Variants in ARHGAP6 observed in about 807,000 individuals in gnomAD.
ARHGAP6 encodes rho GTPase-activating protein 6.
Under a neutral mutation model 55.7 loss-of-function variants are expected in ARHGAP6, and 16 were observed. That is an observed-to-expected ratio of 0.29 (90% CI 0.19 to 0.44). The LOEUF is 0.44. Ranked by LOEUF, ARHGAP6 falls within the 20% of genes least tolerant of loss-of-function variation. The pLI is 1.00. For synonymous variants in ARHGAP6, 382 were observed against 360.9 expected (o/e 1.06, Z -0.66); for missense variants, 698 against 808.9 (o/e 0.86, Z 1.66).
intron 1 of ARHGAP6, among the ~76,000 whole-genome samples, chrX:11,356,369 T>G (rs1322210019): frequency 9.0e-6 from 1 of 111,521 alleles, no homozygotes; most frequent in African/African-American, 3.3e-5. Flanking sequence ...CCATGGCACA[T>G]GTGTACCTAT....
intron 1 of ARHGAP6, among the ~76,000 whole-genome samples, chrX:11,498,737 A>G (rs1174027568): frequency 8.9e-6 from 1 of 111,775 alleles, no homozygotes; most frequent in Non-Finnish European, 1.9e-5. Context: ...CTGTGGGCAA[A>G]GGGAATTTAA....
intron 1 of ARHGAP6, among the ~76,000 whole-genome samples, chrX:11,315,553 C>T (rs189398073): frequency 1.8e-5 from 2 of 111,809 alleles, no homozygotes; most frequent in African/African-American, 3.2e-5. Context: ...TAATAATTGA[C>T]GGCAGGAAGA....
intron 1 of ARHGAP6, among the ~76,000 whole-genome samples, chrX:11,614,338 C>G (rs1167491160): frequency 1.8e-5 from 2 of 111,951 alleles, no homozygotes; most frequent in East Asian, 5.6e-4. Flanking sequence ...AATTAGCTCA[C>G]AGTTCCACAG....
At chrX:11,445,203 A>G (rs1317123404) in intron 1 of ARHGAP6, among the ~76,000 whole-genome samples, 3 of 112,359 alleles carry the variant, frequency 2.7e-5, no homozygotes, top group Non-Finnish European at 5.6e-5. Flanking sequence ...TGAAGCTGTT[A>G]AGAGTTAAGG....
intron 1 of ARHGAP6, among the ~76,000 whole-genome samples, chrX:11,562,035 T>C (rs942817178): frequency 8.9e-6 from 1 of 111,833 alleles, no homozygotes; most frequent in African/African-American, 3.3e-5. Flanking sequence ...TCTATCCATA[T>C]GCAACAAGAA....
At chrX:11,570,356 T>A (rs1172552828) in intron 1 of ARHGAP6, among the ~76,000 whole-genome samples, 1 of 111,948 alleles carries the variant, frequency 8.9e-6, no homozygotes, top group Non-Finnish European at 1.9e-5. Context: ...ATTTATTTTA[T>A]ATGTTATTGA....
chrX:11,263,799 G>A (rs2047590926), intron 1 of ARHGAP6, among the ~76,000 whole-genome samples: 1 of 111,963 alleles, frequency 8.9e-6, no homozygotes, highest in Admixed American at 9.5e-5. Context: ...AGCCAGCCAT[G>A]TGGCTTTTTA....
chrX:11,652,485 T>A (rs1332992754), intron 1 of ARHGAP6, among the ~76,000 whole-genome samples: 1 of 112,132 alleles, frequency 8.9e-6, no homozygotes, highest in Non-Finnish European at 1.9e-5. Context: ...GGGCAAGAGT[T>A]TAACTTTCGT....
At chrX:11,293,406 G>A (rs201841630) in intron 1 of ARHGAP6, 11 of 112,275 alleles carry the variant, frequency 9.8e-5, no homozygotes, top group East Asian at 8.4e-4. Flanking sequence ...ATAGTTGGAA[G>A]AAATCTAAAG....
chrX:11,354,494 T>C (rs1212636202), intron 1 of ARHGAP6, among the ~76,000 whole-genome samples: 1 of 107,875 alleles, frequency 9.3e-6, no homozygotes, highest in African/African-American at 3.4e-5. Context: ...CCATCCATGA[T>C]AGAATAAACT....
chrX:11,337,607 T>C (rs982928761), intron 1 of ARHGAP6, among the ~76,000 whole-genome samples: 1 of 112,593 alleles, frequency 8.9e-6, no homozygotes, highest in African/African-American at 3.2e-5. Flanking sequence ...GCAAACTTTG[T>C]GCCAGGCACT....
intron 1 of ARHGAP6, among the ~76,000 whole-genome samples, chrX:11,266,563 C>T (rs1260685441): frequency 1.8e-5 from 2 of 110,140 alleles, no homozygotes; most frequent in East Asian, 2.9e-4. Context: ...GTGAATATAC[C>T]CACATGGCCA....
intron 1 of ARHGAP6, among the ~76,000 whole-genome samples, chrX:11,354,327 C>CTCTCTCTATATATATATATA (rs1343744315): frequency 6.2e-5 from 2 of 32,348 alleles, no homozygotes; most frequent in African/African-American, 2.7e-4. Context: ...CTCTCTCTCT[C>CTCTCTCTATATATATATATA]TATATATATA....
At chrX:11,305,943 G>A (rs1402583105) in intron 1 of ARHGAP6, among the ~76,000 whole-genome samples, 1 of 112,017 alleles carries the variant, frequency 8.9e-6, no homozygotes, top group Non-Finnish European at 1.9e-5. Flanking sequence ...GAGAATATCT[G>A]ACAGACCCAG....
At chrX:11,174,278 A>G (rs755087938) in intron 8 of ARHGAP6, among the ~76,000 whole-genome samples, 1 of 111,782 alleles carries the variant, frequency 8.9e-6, no homozygotes, top group South Asian at 3.8e-4. Context: ...CTCCTCCATG[A>G]AGCCATTCCT....
chrX:11,367,872 G>A (rs2147704230), intron 1 of ARHGAP6: 4 of 645,296 alleles, frequency 6.2e-6, no homozygotes, highest in Non-Finnish European at 7.4e-6. Flanking sequence ...AGTTGGCAAA[G>A]CAACAAGGTC....
At chrX:11,413,953 G>A (rs1160665630) in intron 1 of ARHGAP6, among the ~76,000 whole-genome samples, 3 of 111,419 alleles carry the variant, frequency 2.7e-5, no homozygotes, top group Non-Finnish European at 3.8e-5. Flanking sequence ...TTCCCTTAGC[G>A]CTATACACAT....
chrX:11,556,580 T>C (rs1368849862), intron 1 of ARHGAP6, among the ~76,000 whole-genome samples: 1 of 112,379 alleles, frequency 8.9e-6, no homozygotes. Flanking sequence ...TTACAGTTTC[T>C]TGTTTTGGAT....
intron 1 of ARHGAP6, among the ~76,000 whole-genome samples, chrX:11,558,207 T>TC (rs1307912474): frequency 9.0e-6 from 1 of 111,716 alleles, no homozygotes; most frequent in Non-Finnish European, 1.9e-5. Context: ...TTGCTTAGTT[T>TC]CCCCCAAAAG....
Sources: allele counts gnomAD v4.1 joint callset (sites outside exome capture counted in the v4.1 genomes callset), GRCh38; gene constraint gnomAD v4.1.1; transcripts MANE v1.5; gene names NCBI Gene and HGNC (gene_info 2026-07-23, HGNC 2026-07-21).